Variants in GLIPR1L1 observed in about 807,000 individuals in gnomAD.
The protein encoded by GLIPR1L1 is GLIPR1 like 1.
Under a neutral mutation model 29.9 loss-of-function variants are expected in GLIPR1L1, and 26 were observed. The observed-to-expected ratio is 0.87, with a 90% CI of 0.64 to 1.21. The LOEUF (loss-of-function observed/expected upper bound fraction) is 1.21. GLIPR1L1 is among the 50% of genes most tolerant of loss of function. The pLI, the probability that GLIPR1L1 is intolerant of heterozygous loss-of-function variation, is 0.00. For synonymous variants in GLIPR1L1, 77 were observed against 97.5 expected (o/e 0.79, Z 1.24); for missense variants, 305 against 290.3 (o/e 1.05, Z -0.37).
intron 1 of GLIPR1L1, among the ~76,000 whole-genome samples, chr12:75,341,000 C>T (rs1438811335): frequency 6.6e-6 from 1 of 151,636 alleles, no homozygotes; most frequent in Non-Finnish European, 1.5e-5. Flanking sequence ...ATGGTATAGC[C>T]ACTCTAGGAA....
chr12:75,366,830 G>A, intron 4 of GLIPR1L1: 1 of 699,202 alleles, frequency 1.4e-6, no homozygotes, highest in South Asian at 1.5e-5. Flanking sequence ...AATGCCAAGT[G>A]AACAGCTCTA....
chr12:75,336,811 G>T (rs930644167), intron 1 of GLIPR1L1, among the ~76,000 whole-genome samples: 1 of 151,622 alleles, frequency 6.6e-6, no homozygotes. Flanking sequence ...ATACCACACT[G>T]CAAAATACAA....
In GLIPR1L1 at chr12:75,369,495, G is replaced by T. The variant is rs985335712; in HGVS notation, c.611-465G>T. ...TAAGTAGATTATTTCCTAATGAAGT[G>T]CTGGATGCTATTAGAATGGTAAACT... On this transcript the variant is annotated intron_variant, in intron 4 of 5. Transcript: ENST00000378695. The T allele has an allele frequency of 1.4e-5, 14 of 973,746 alleles. No individual in the cohort carries two copies. In the Admixed American group the frequency reaches 1.9e-4, roughly 13 times the overall value. 60.3% of individuals were successfully genotyped at this position (973,746 alleles called of 1,614,324 possible).
At chr12:75,356,518 T>C (rs745848847) in intron 3 of GLIPR1L1, among the ~76,000 whole-genome samples, 9 of 152,096 alleles carry the variant, frequency 5.9e-5, no homozygotes, top group Non-Finnish European at 1.3e-4. Flanking sequence ...AATTCTAAAG[T>C]AACTGCTAAA....
chr12:75,344,537 TGA>T (rs1415213430), intron 2 of GLIPR1L1, among the ~76,000 whole-genome samples: 4 of 152,114 alleles, frequency 2.6e-5, no homozygotes, highest in African/African-American at 9.7e-5. Flanking sequence ...TTTAAGCATA[TGA>T]GATAGAGTTG....
intron 3 of GLIPR1L1, among the ~76,000 whole-genome samples, chr12:75,350,904 C>T (rs1284590111): frequency 6.6e-6 from 1 of 152,104 alleles, no homozygotes; most frequent in African/African-American, 2.4e-5. Flanking sequence ...CTTCACTGAG[C>T]TAAAGGAGTA....
chr12:75,349,895 T>A (rs2042692080), intron 3 of GLIPR1L1, among the ~76,000 whole-genome samples: 1 of 152,288 alleles, frequency 6.6e-6, no homozygotes, highest in East Asian at 1.9e-4. Context: ...AAAAAGTGTA[T>A]CAGCTGCAAT....
intron 2 of GLIPR1L1, among the ~76,000 whole-genome samples, chr12:75,345,836 A>G (rs1439310993): frequency 1.3e-5 from 2 of 152,206 alleles, no homozygotes; most frequent in African/African-American, 4.8e-5. Context: ...CAAACAAAAC[A>G]AAAAAAGCTG....
chr12:75,349,130 C>G (rs900751141), intron 3 of GLIPR1L1, among the ~76,000 whole-genome samples: 1 of 152,082 alleles, frequency 6.6e-6, no homozygotes, highest in Non-Finnish European at 1.5e-5. Flanking sequence ...TTAACACATG[C>G]ACGTGAGGAA....
chr12:75,355,682 G>T (rs535678340), intron 3 of GLIPR1L1, among the ~76,000 whole-genome samples: 2 of 152,230 alleles, frequency 1.3e-5, no homozygotes, highest in East Asian at 3.9e-4. Flanking sequence ...GCACAAGTAG[G>T]TTCAGCGCAG....
Position 75,369,990 on chromosome 12 carries a change from T to C in GLIPR1L1, c.637+4T>C. On this transcript the variant is annotated splice_donor_region_variant and intron_variant, in intron 5 of 5. Coordinates refer to ENST00000378695, the MANE Select transcript of GLIPR1L1 (RefSeq NM_001304964.2). ...CCACAACTTATTATACCTAACCGTA[T>C]GTATCAAAATATTTTAGTATTAATT... 5 of 1,087,294 alleles carry C rather than the reference T, an allele frequency of 4.6e-6. 1 individual carries two copies. In the Middle Eastern group the frequency reaches 6.5e-4, roughly 141 times the overall value. The allele number at this position is 1,087,294 out of a possible 1,614,324, so 67.4% of individuals were successfully genotyped here.
chr12:75,348,633 A>G (rs1315634222), intron 3 of GLIPR1L1, among the ~76,000 whole-genome samples: 2 of 152,208 alleles, frequency 1.3e-5, no homozygotes, highest in Admixed American at 1.3e-4. Context: ...AAAGCAGTTA[A>G]GCATCATACT....
At position 75,363,067 on chromosome 12, in the gene GLIPR1L1, G is replaced by C. The variant is rs1281884872; in HGVS notation, c.522-35G>C. 10 of 1,105,138 alleles carry C rather than the reference G, an allele frequency of 9.0e-6. No homozygotes were observed. In the Admixed American group the frequency reaches 1.2e-4, roughly 13 times the overall value. The allele number at this position is 1,105,138 out of a possible 1,614,324, so 68.5% of individuals were successfully genotyped here. On this transcript the variant is annotated intron_variant, in intron 3 of 5. Coordinates refer to ENST00000378695, the MANE Select transcript of GLIPR1L1 (RefSeq NM_001304964.2). ...ATGAACAAAATTGGAGAAATTAACAGCCATTTGGCTAATCAATGTTTCTCT... is the reference window on the plus strand; with the variant it reads ...ATGAACAAAATTGGAGAAATTAACACCCATTTGGCTAATCAATGTTTCTCT...
chr12:75,335,737 G>A (rs1174468551), intron 1 of GLIPR1L1, among the ~76,000 whole-genome samples: 1 of 152,014 alleles, frequency 6.6e-6, no homozygotes, highest in Non-Finnish European at 1.5e-5. Context: ...ATATGTATCA[G>A]AAATGAAACA....
chr12:75,351,065 T>G (rs1389132463), intron 3 of GLIPR1L1, among the ~76,000 whole-genome samples: 2 of 152,140 alleles, frequency 1.3e-5, no homozygotes, highest in Non-Finnish European at 2.9e-5. Flanking sequence ...CAAGTATCAA[T>G]ATCCAAACAG....
chr12:75,366,437 T>C (rs907817385), intron 4 of GLIPR1L1, among the ~76,000 whole-genome samples: 2 of 152,158 alleles, frequency 1.3e-5, no homozygotes, highest in African/African-American at 4.8e-5. Flanking sequence ...CTTTGGGCTA[T>C]GAATTTTTCT....
intron 3 of GLIPR1L1, among the ~76,000 whole-genome samples, chr12:75,361,565 T>A (rs777598213): frequency 2.2e-4 from 33 of 152,142 alleles, no homozygotes; most frequent in Non-Finnish European, 4.4e-4. Flanking sequence ...CTGTTTTAGC[T>A]GAGGAAAGAG....
rs1032396360 is a variant in GLIPR1L1, at chr12:75,341,536, T to A, written c.175-2157T>A. ...GTCTCGGCTCACTGCAAGCTCCGCCTCCCGGGTTCACGCCATTCTCCTGCC... is the reference window on the plus strand; with the variant it reads ...GTCTCGGCTCACTGCAAGCTCCGCCACCCGGGTTCACGCCATTCTCCTGCC... On this transcript the variant is annotated intron_variant, in intron 1 of 5. Transcript: ENST00000378695. Among the ~76,000 whole-genome samples, 18 of 152,102 alleles carry A rather than the reference T, an allele frequency of 1.2e-4. 1 individual carries two copies. The highest frequency in any genetic ancestry group is 9.2e-4 in the Admixed American group (14 of 15,266).
intron 1 of GLIPR1L1, among the ~76,000 whole-genome samples, chr12:75,339,300 G>A (rs2041945734): frequency 6.6e-6 from 1 of 152,104 alleles, no homozygotes; most frequent in Non-Finnish European, 1.5e-5. Flanking sequence ...ATTCTGAGTG[G>A]CCTAAGATGG....
Sources: allele counts gnomAD v4.1 joint callset (sites outside exome capture counted in the v4.1 genomes callset), GRCh38; gene constraint gnomAD v4.1.1; transcripts MANE v1.5; gene names NCBI Gene and HGNC (gene_info 2026-07-23, HGNC 2026-07-21).